The following BRAF variants were observed in gnomAD, a reference collection of about 807,000 sequenced individuals.
BRAF encodes the protein B-Raf proto-oncogene, serine/threonine kinase, also known as serine/threonine-protein kinase B-raf.
BRAF carries 16 observed loss-of-function variants against 104.6 expected under a neutral mutation model. The observed-to-expected ratio is 0.15, with a 90% CI of 0.10 to 0.23. The LOEUF (loss-of-function observed/expected upper bound fraction) is 0.23, where lower values mean the gene tolerates loss of function less well. Ranked by LOEUF, BRAF falls within the 10% of genes least tolerant of loss-of-function variation. BRAF has a pLI of 1.00. For synonymous variants in BRAF, 310 were observed against 341.6 expected (o/e 0.91, Z 1.02); for missense variants, 541 against 937.3 (o/e 0.58, Z 5.52).
intron 18 of BRAF, among the ~76,000 whole-genome samples, chr7:140,736,874 A>AACCACC (rs907655179): frequency 6.6e-6 from 1 of 151,666 alleles, no homozygotes; most frequent in Non-Finnish European, 1.5e-5. Context: ...CTATCTCTAC[A>AACCACC]ACCACCACCA....
rs1255101216 is a variant in BRAF, at chr7:140,753,315, G to C, written c.1940C>G (p.Ser647Cys). ...TCCAGACAACTGTTCAAACTGATGG[G>C]ACCCACTCCATCGAGATTTCACTGT... ...LATVKSRWSG[S>C]HQFEQLSGSI... The change falls in exon 16 of 20, where the codon TCC becomes TGC. Residue 647 changes from serine to cysteine, a missense_variant. Coordinates refer to ENST00000644969, the MANE Select transcript of BRAF (RefSeq NM_001374258.1). 1 of 1,612,616 alleles carries C rather than the reference G, an allele frequency of 6.2e-7. No individual in the cohort carries two copies. Among genetic ancestry groups the C allele is most frequent in the Non-Finnish European group, 8.5e-7 (1 of 1,178,984 alleles).
At chr7:140,809,134 CTT>C in intron 3 of BRAF, 139 bp from the exon 4 acceptor site, 1 of 657,542 alleles carries the variant, frequency 1.5e-6, no homozygotes, top group Non-Finnish European at 2.7e-6. Context: ...CTACAGCTAA[CTT>C]AATACTAAAG....
At chr7:140,871,677 CA>C (rs1359488722) in intron 1 of BRAF, among the ~76,000 whole-genome samples, 5 of 151,748 alleles carry the variant, frequency 3.3e-5, no homozygotes, top group African/African-American at 1.2e-4. Context: ...ATTTTGAAGC[CA>C]AAAAGTATAA....
At chr7:140,747,894 C>A (rs896045295) in intron 17 of BRAF, among the ~76,000 whole-genome samples, 1 of 152,180 alleles carries the variant, frequency 6.6e-6, no homozygotes, top group Non-Finnish European at 1.5e-5. Context: ...TCAGTCCATC[C>A]TGAATCTAAG....
Position 140,726,257 on chromosome 7 carries a change from A to G in BRAF, c.*237T>C. On this transcript the variant is annotated 3_prime_UTR_variant, in exon 20 of 20. Transcript: ENST00000644969. ...CCTCTTTCTTCCTGGGACTGGGCAG[A>G]CTTGTATGCTCGTGGTATTTTTGTT... 1 of 1,391,290 alleles carries G rather than the reference A, an allele frequency of 7.2e-7. No homozygotes were observed. The allele number at this position is 1,391,290 out of a possible 1,614,324, so 86.2% of individuals were successfully genotyped here.
intron 3 of BRAF, among the ~76,000 whole-genome samples, chr7:140,829,270 G>A (rs1431956350): frequency 1.3e-5 from 2 of 149,292 alleles, no homozygotes; most frequent in African/African-American, 2.5e-5. Flanking sequence ...AGCTAATTAA[G>A]TTTTGATTAA....
intron 14 of BRAF, among the ~76,000 whole-genome samples, chr7:140,766,060 A>T (rs1459062075): frequency 9.9e-5 from 15 of 152,134 alleles, no homozygotes; most frequent in East Asian, 9.7e-4. Context: ...CAAATGTCCA[A>T]CAATGATAGA....
Position 140,726,452 on chromosome 7 carries a change from A to C in BRAF, c.*42T>G. The C allele has an allele frequency of 1.3e-6, 2 of 1,535,702 alleles. No homozygotes were observed. Among genetic ancestry groups the C allele is most frequent in the Non-Finnish European group, 1.7e-6 (2 of 1,146,786 alleles). Reference sequence around the variant, plus strand: ...TTTGATGTTAACAAATTGTACGAACACAAGACTTAAGAAATAAGAGCAGAT... The same window carrying C: ...TTTGATGTTAACAAATTGTACGAACCCAAGACTTAAGAAATAAGAGCAGAT... On this transcript the variant is annotated 3_prime_UTR_variant, in exon 20 of 20. Transcript: ENST00000644969.
chr7:140,724,209 C>T lies in BRAF; in HGVS notation c.*2285G>A. 1 of 1,058,042 alleles carries T rather than the reference C, an allele frequency of 9.5e-7. No individual in the cohort carries two copies. Among genetic ancestry groups the T allele is most frequent in the Non-Finnish European group, 1.1e-6 (1 of 874,742 alleles). 65.5% of individuals were successfully genotyped at this position (1,058,042 alleles called of 1,614,324 possible). ...CTCCCTAATGGTACCGCCCCTGCCC[C>T]TGCCCCACGGAGGCAGTCCCGGACC... On this transcript the variant is annotated 3_prime_UTR_variant, in exon 20 of 20. Coordinates refer to ENST00000644969, the MANE Select transcript of BRAF (RefSeq NM_001374258.1).
intron 19 of BRAF, among the ~76,000 whole-genome samples, chr7:140,729,367 C>T (rs192574564): frequency 1.3e-3 from 201 of 152,168 alleles, no homozygotes; most frequent in Non-Finnish European, 2.2e-3. Flanking sequence ...AAAACCAGGC[C>T]GGCGAGGTGG....
At chr7:140,822,575 A>T (rs189952042) in intron 3 of BRAF, 1 of 152,346 alleles carries the variant, frequency 6.6e-6, no homozygotes, top group Admixed American at 6.5e-5. Context: ...ACTCAGCATA[A>T]TTACTTTGAG....
intron 19 of BRAF, chr7:140,731,110 G>C (rs1485439979): frequency 1.3e-5 from 2 of 152,204 alleles, no homozygotes; most frequent in Non-Finnish European, 2.9e-5. Flanking sequence ...TCCGCCCCCA[G>C]GTTCAAGGGA....
rs1172374490 is a variant in BRAF at position 140,876,638 on chromosome 7, G to C, written c.139-26426C>G. Among the ~76,000 whole-genome samples the C allele has an allele frequency of 2.0e-5, 3 of 152,080 alleles. No individual in the cohort carries two copies. In the East Asian group the frequency reaches 5.8e-4, roughly 29 times the overall value. On this transcript the variant is annotated intron_variant, in intron 1 of 19. Coordinates refer to ENST00000644969, the MANE Select transcript of BRAF (RefSeq NM_001374258.1). ...TAATATATATGCACCTAATAATGGA[G>C]CTTCAAAGAACATGAAGTAAAAACT...
At chr7:140,733,108 T>C (rs1393438962) in intron 19 of BRAF, 3 of 152,206 alleles carry the variant, frequency 2.0e-5, no homozygotes, top group Non-Finnish European at 2.9e-5. Flanking sequence ...GCATTACTTA[T>C]CTTAAGCTAC....
chr7:140,729,923 A>G (rs1403453831), intron 19 of BRAF, among the ~76,000 whole-genome samples: 1 of 152,198 alleles, frequency 6.6e-6, no homozygotes, highest in Non-Finnish European at 1.5e-5. Context: ...CAAATCAAAT[A>G]CAAAGCAAAC....
chr7:140,877,302 G>GT (rs1812380875), intron 1 of BRAF, among the ~76,000 whole-genome samples: 1 of 100,680 alleles, frequency 9.9e-6, no homozygotes, highest in Admixed American at 1.5e-4. Flanking sequence ...ATGGGGGGGG[G>GT]GGTGGGTCTT....
intron 3 of BRAF, among the ~76,000 whole-genome samples, chr7:140,812,923 G>A (rs939646606): frequency 3.3e-5 from 5 of 152,054 alleles, no homozygotes; most frequent in Non-Finnish European, 7.4e-5. Context: ...AGAAAGGGAA[G>A]GAGAGTGAAA....
Position 140,924,743 on chromosome 7 carries a change from G to C in BRAF, c.-40C>G. ...CCGGGGCCCGAGCGGCCGCTGTCGG[G>C]CGGGGAGGGGGAAGGGAGGCGGAGA... is the stretch of plus-strand genomic sequence containing the variant. On this transcript the variant is annotated 5_prime_UTR_variant, in exon 1 of 20. Transcript: ENST00000644969. The surrounding 1 kb of genome is among the most constrained non-coding windows in gnomAD (Gnocchi z 4.2). The C allele has an allele frequency of 1.4e-6, 1 of 728,690 alleles. No homozygotes were observed. The highest frequency in any genetic ancestry group is 2.3e-6 in the Non-Finnish European group (1 of 437,714). 45.1% of individuals were successfully genotyped at this position (728,690 alleles called of 1,614,324 possible). A position where few individuals can be genotyped will look rare whatever the true frequency, so the allele number is the denominator to read the frequency against.
At chr7:140,912,723 T>C (rs916101850) in intron 1 of BRAF, among the ~76,000 whole-genome samples, 1 of 152,224 alleles carries the variant, frequency 6.6e-6, no homozygotes, top group Non-Finnish European at 1.5e-5. Context: ...AATTTTTGTA[T>C]TTTTAGTAGA....
Sources: allele counts gnomAD v4.1 joint callset (sites outside exome capture counted in the v4.1 genomes callset), GRCh38; gene constraint gnomAD v4.1.1; non-coding constraint Gnocchi (gnomAD v3.1); transcripts MANE v1.5; gene names NCBI Gene and HGNC (gene_info 2026-07-23, HGNC 2026-07-21).